Variants in VPS37B observed in about 807,000 individuals in gnomAD.
The protein encoded by VPS37B is vacuolar protein sorting-associated protein 37B.
In VPS37B, 11 loss-of-function variants were observed where a neutral mutation model predicts 21.2. The observed-to-expected ratio is 0.52, with a 90% CI of 0.33 to 0.86. VPS37B has a LOEUF of 0.86. Ranked by LOEUF, VPS37B falls within the 40% of genes least tolerant of loss-of-function variation. The pLI is 0.03. For missense variants in VPS37B, 389 were observed against 374.8 expected, an observed-to-expected ratio of 1.04 and a Z score of -0.31; for synonymous variants, 175 against 159.6, an observed-to-expected ratio of 1.10 and a Z score of -0.73.
chr12:122,890,037 G>A (rs1358519829), intron 1 of VPS37B: 1 of 152,204 alleles, frequency 6.6e-6, no homozygotes, highest in East Asian at 1.9e-4. Context: ...TGGACATGGG[G>A]AAGAGCACAC....
At chr12:122,869,501 T>C (rs1566123459) in intron 2 of VPS37B, among the ~76,000 whole-genome samples, 1 of 152,228 alleles carries the variant, frequency 6.6e-6, no homozygotes, top group Non-Finnish European at 1.5e-5. Flanking sequence ...CTTTTCGTCA[T>C]TCTGGTTTGG....
chr12:122,880,877 C>T (rs1055401455), intron 1 of VPS37B: 1 of 152,236 alleles, frequency 6.6e-6, no homozygotes. Context: ...GGGAGTCTGG[C>T]TCAGAGTCTC....
intron 1 of VPS37B, chr12:122,875,062 A>T (rs2034122607): frequency 6.7e-6 from 1 of 150,346 alleles, no homozygotes; most frequent in African/African-American, 2.5e-5. Flanking sequence ...AAATACGATA[A>T]CTTTTTTTTT....
At chr12:122,874,921 TG>T (rs2034115903) in intron 1 of VPS37B, 1 of 123,948 alleles carries the variant, frequency 8.1e-6, no homozygotes, top group Admixed American at 9.2e-5. Flanking sequence ...CACTCCAGCC[TG>T]GGCAACAAGA....
intron 2 of VPS37B, among the ~76,000 whole-genome samples, chr12:122,869,074 T>C (rs969460077): frequency 1.3e-5 from 2 of 152,194 alleles, no homozygotes; most frequent in Non-Finnish European, 2.9e-5. Flanking sequence ...CCTGGCTTCT[T>C]GCACTCAGCA....
intron 1 of VPS37B, among the ~76,000 whole-genome samples, chr12:122,890,855 TA>T (rs1207982218): frequency 3.3e-5 from 5 of 152,194 alleles, no homozygotes; most frequent in African/African-American, 1.2e-4. Flanking sequence ...ATTCCCAAAT[TA>T]TAATCTAGCA....
intron 1 of VPS37B, among the ~76,000 whole-genome samples, chr12:122,890,966 G>C (rs569405873): frequency 1.3e-5 from 2 of 152,306 alleles, no homozygotes; most frequent in African/African-American, 4.8e-5. Context: ...GGGCATCAAG[G>C]AAACTACGCC....
At position 122,867,709 on chromosome 12, in the gene VPS37B, CT is replaced by C; in HGVS notation, c.367-103del. The C allele has an allele frequency of 6.6e-7, 1 of 1,509,738 alleles. No individual in the cohort carries two copies. The highest frequency in any genetic ancestry group is 2.3e-5 in the East Asian group (1 of 43,850). 93.5% of individuals were successfully genotyped at this position (1,509,738 alleles called of 1,614,324 possible). Reference sequence around the variant, plus strand: ...AGGCAACGCCCAGCTGCTTCCAACACTGCCCCCTCCCTGTAACCACCCAGAG... The same window carrying C: ...AGGCAACGCCCAGCTGCTTCCAACACGCCCCCTCCCTGTAACCACCCAGAG... On this transcript the variant is annotated intron_variant, in intron 3 of 3. Coordinates refer to ENST00000267202, the MANE Select transcript of VPS37B (RefSeq NM_024667.3). This position sits in a 1 kb window ranked among gnomAD's most constrained non-coding sequence, Gnocchi z 5.5.
intron 1 of VPS37B, among the ~76,000 whole-genome samples, chr12:122,894,727 A>G (rs2034464455): frequency 6.6e-6 from 1 of 152,212 alleles, no homozygotes; most frequent in African/African-American, 2.4e-5. Context: ...AAGGGAGCAC[A>G]CACTGCAAAT....
At chr12:122,888,412 G>A in intron 1 of VPS37B, 1 of 368,834 alleles carries the variant, frequency 2.7e-6, no homozygotes, top group Non-Finnish European at 5.6e-6. Context: ...CACACAGCTG[G>A]GGAAGGAAAT....
chr12:122,888,702 G>T (rs1345963829), intron 1 of VPS37B: 1 of 397,282 alleles, frequency 2.5e-6, no homozygotes, highest in Non-Finnish European at 5.2e-6. Context: ...AGGATGTTAG[G>T]TCATCCAACT....
At chr12:122,893,761 A>G (rs1462900387) in intron 1 of VPS37B, among the ~76,000 whole-genome samples, 4 of 151,024 alleles carry the variant, frequency 2.6e-5, no homozygotes, top group Non-Finnish European at 5.9e-5. Flanking sequence ...AGGCTTATCA[A>G]GTGGAGTCGC....
intron 1 of VPS37B, among the ~76,000 whole-genome samples, chr12:122,893,214 T>A (rs1189381241): frequency 6.6e-6 from 1 of 152,228 alleles, no homozygotes. Flanking sequence ...TTAATATAAG[T>A]GATTAATTAT....
chr12:122,872,204 C>G (rs568280293), intron 1 of VPS37B: 2 of 985,326 alleles, frequency 2.0e-6, no homozygotes, highest in Non-Finnish European at 2.4e-6. Flanking sequence ...TGCGCTCACA[C>G]GAGTGCACAC....
At chr12:122,892,294 G>C (rs1052192282) in intron 1 of VPS37B, among the ~76,000 whole-genome samples, 3 of 152,186 alleles carry the variant, frequency 2.0e-5, no homozygotes, top group South Asian at 2.1e-4. Context: ...AATGAGGACC[G>C]TAGCTCCGAA....
At chr12:122,885,088 A>G (rs2034301852) in intron 1 of VPS37B, 1 of 152,020 alleles carries the variant, frequency 6.6e-6, no homozygotes, top group South Asian at 2.1e-4. Flanking sequence ...CTATTCTAAT[A>G]ATGGAATTTT....
rs970415268 is a variant in VPS37B at position 122,865,782 on chromosome 12, G to A, written c.*1334C>T. 2 of 152,302 alleles carry A rather than the reference G, an allele frequency of 1.3e-5. No individual in the cohort carries two copies. The highest frequency in any genetic ancestry group is 4.8e-5 in the African/African-American group (2 of 41,464). 9.4% of individuals were successfully genotyped at this position (152,302 alleles called of 1,614,324 possible). A position where few individuals can be genotyped will look rare whatever the true frequency, so the allele number is the denominator to read the frequency against. On this transcript the variant is annotated 3_prime_UTR_variant, in exon 4 of 4. Transcript: ENST00000267202. ...GGATGCCCGACAAGTGACAGGGGAG[G>A]GGCGGGCCAGAAGGTCCACTGGTAA...
intron 1 of VPS37B, chr12:122,881,148 G>A (rs917007271): frequency 1.3e-5 from 2 of 152,256 alleles, no homozygotes; most frequent in Admixed American, 6.5e-5. Context: ...GCTGACATTT[G>A]TTGAGCATAG....
intron 1 of VPS37B, chr12:122,886,677 C>T (rs2034334795): frequency 6.6e-6 from 1 of 152,132 alleles, no homozygotes; most frequent in Non-Finnish European, 1.5e-5. Flanking sequence ...TTAACATCCA[C>T]AAAATTAGAG....
Sources: allele counts gnomAD v4.1 joint callset (sites outside exome capture counted in the v4.1 genomes callset), GRCh38; gene constraint gnomAD v4.1.1; non-coding constraint Gnocchi (gnomAD v3.1); transcripts MANE v1.5; gene names NCBI Gene and HGNC (gene_info 2026-07-23, HGNC 2026-07-21).